APPL2: variants seen among roughly 807,000 people sequenced by gnomAD.
APPL2 encodes the protein DCC-interacting protein 13-beta.
In APPL2, 84 loss-of-function variants were observed where a neutral mutation model predicts 92.7. The observed-to-expected ratio is 0.91, with a 90% CI of 0.76 to 1.09. The LOEUF is 1.09. APPL2 is among the 50% of genes least tolerant of loss of function. APPL2 has a pLI of 0.00. For missense variants in APPL2, 736 were observed against 824.5 expected (o/e 0.89, Z 1.31); for synonymous variants, 291 against 291.0 (o/e 1.00, Z 0.00).
intron 17 of APPL2, among the ~76,000 whole-genome samples, chr12:105,179,232 C>T (rs540658710): frequency 8.5e-5 from 13 of 152,216 alleles, no homozygotes; most frequent in South Asian, 8.3e-4. Context: ...TGAGAACATG[C>T]GGTGTTTGGT....
At chr12:105,202,283 C>G (rs1290224092) in intron 9 of APPL2, among the ~76,000 whole-genome samples, 1 of 152,084 alleles carries the variant, frequency 6.6e-6, no homozygotes, top group Non-Finnish European at 1.5e-5. Context: ...ACGTTAATGC[C>G]CGGGTTGTGG....
At chr12:105,227,181 G>A (rs577017109) in intron 2 of APPL2, among the ~76,000 whole-genome samples, 1 of 151,630 alleles carries the variant, frequency 6.6e-6, no homozygotes, top group South Asian at 2.1e-4. Flanking sequence ...CAAAAATTTT[G>A]TGTAGATACA....
intron 17 of APPL2, among the ~76,000 whole-genome samples, chr12:105,186,685 T>TATATCATATATG (rs1566056553): frequency 2.7e-4 from 17 of 63,402 alleles, no homozygotes; most frequent in African/African-American, 8.4e-4. Context: ...ATATATCATA[T>TATATCATATATG]ATATATCATA....
intron 1 of APPL2, among the ~76,000 whole-genome samples, chr12:105,232,683 G>A (rs1404503012): frequency 6.8e-6 from 1 of 147,646 alleles, no homozygotes; most frequent in Non-Finnish European, 1.5e-5. Context: ...AGGATCGCTT[G>A]AGCCCAGGAG....
At position 105,197,928 on chromosome 12, in the gene APPL2, A is replaced by AGGT; in HGVS notation, c.886_888dup (p.Thr296dup). 1 of 1,614,116 alleles carries AGGT rather than the reference A, an allele frequency of 6.2e-7. No homozygotes were observed. The highest frequency in any genetic ancestry group is 8.5e-7 in the Non-Finnish European group (1 of 1,180,016). On this transcript the variant is annotated inframe_insertion, in exon 11 of 21. Transcript: ENST00000258530. ...TGGGTGAAGAAATAAAGCCTCTCCC[A>AGGT]GGTGGTGGTGACCAGCCCTGTTTTG...
At chr12:105,215,715 A>T (rs1176655799) in intron 4 of APPL2, among the ~76,000 whole-genome samples, 1 of 152,162 alleles carries the variant, frequency 6.6e-6, no homozygotes, top group Non-Finnish European at 1.5e-5. Flanking sequence ...ATTCTTTATC[A>T]TGATTTTTTG....
intron 17 of APPL2, among the ~76,000 whole-genome samples, chr12:105,181,863 A>G (rs1886146058): frequency 6.6e-6 from 1 of 151,822 alleles, no homozygotes; most frequent in Non-Finnish European, 1.5e-5. Flanking sequence ...TTTCTTCTTT[A>G]TTAGTCTGGC....
intron 4 of APPL2, 43 bp from the exon 5 acceptor site, chr12:105,211,360 T>C (rs888299488): frequency 7.3e-7 from 1 of 1,376,090 alleles, no homozygotes; most frequent in Non-Finnish European, 1.0e-6. Context: ...AAATACATTA[T>C]TATTATTGAC....
rs1566045148 is a variant in APPL2, at chr12:105,177,004, TG to T, written c.1683del (p.Ser562ValfsTer30). 1.2e-6 allele frequency: 2 copies of T among 1,614,032 alleles called. No homozygotes were observed. Among genetic ancestry groups the T allele is most frequent in the African/African-American group, 2.7e-5 (2 of 75,018 alleles). On this transcript the variant is annotated frameshift_variant, in exon 19 of 21. Transcript: ENST00000258530. LOFTEE classifies it high-confidence loss of function. ...TQVSRANFEL[T>X]SVTQFAAHQE... is the part of the protein sequence containing the mutation. ...TGATGAGCAGCAAATTGTGTGACAC[TG>T]GTAAGTTCAAACTGGGGGGTGGAAA...
intron 17 of APPL2, among the ~76,000 whole-genome samples, chr12:105,181,361 C>T (rs187358517): frequency 3.0e-4 from 46 of 152,284 alleles, no homozygotes; most frequent in African/African-American, 1.1e-3. Context: ...ATTCAGTTTG[C>T]TGGTATTTTA....
intron 9 of APPL2, among the ~76,000 whole-genome samples, chr12:105,199,933 C>T (rs1027615800): frequency 6.6e-6 from 1 of 152,040 alleles, no homozygotes; most frequent in African/African-American, 2.4e-5. Flanking sequence ...ATTCTCCTGC[C>T]TCAGCCTCTC....
intron 17 of APPL2, among the ~76,000 whole-genome samples, chr12:105,179,485 T>C (rs966680273): frequency 2.3e-4 from 35 of 152,216 alleles, no homozygotes; most frequent in African/African-American, 7.0e-4. Flanking sequence ...TTATAGTCCT[T>C]TGGGTATGTA....
intron 17 of APPL2, chr12:105,177,517 A>G: frequency 5.8e-6 from 3 of 512,920 alleles, no homozygotes; most frequent in Non-Finnish European, 3.5e-6. Context: ...GGATTCTGCA[A>G]CTTACCCAAA....
In APPL2 at chr12:105,229,893, C is replaced by T. The variant is rs572697143; in HGVS notation, c.55-670G>A. 7 of 384,584 alleles carry T rather than the reference C, an allele frequency of 1.8e-5. No individual in the cohort carries two copies. In the East Asian group the frequency reaches 4.9e-4, roughly 27 times the overall value. The allele number at this position is 384,584 out of a possible 1,614,324, so 23.8% of individuals were successfully genotyped here. Reference sequence around the variant, plus strand: ...TCCCGGGCTCAAGGGATTCTCTTGCCTCAGCCTCCTGAGTAGCTGGGATTA... The same window carrying T: ...TCCCGGGCTCAAGGGATTCTCTTGCTTCAGCCTCCTGAGTAGCTGGGATTA... On this transcript the variant is annotated intron_variant, in intron 1 of 20. Transcript: ENST00000258530.
intron 1 of APPL2, among the ~76,000 whole-genome samples, chr12:105,232,815 G>A (rs1422916588): frequency 6.7e-6 from 1 of 149,428 alleles, no homozygotes; most frequent in Non-Finnish European, 1.5e-5. Context: ...GGAAAAATAG[G>A]TTATAAACAA....
At chr12:105,186,667 T>TATATATGATATCGATATCATTATATC (rs1886709583) in intron 17 of APPL2, among the ~76,000 whole-genome samples, 7,200 of 27,824 alleles carry the variant, frequency 0.26, 245 homozygotes, top group Admixed American at 0.3. Flanking sequence ...ATATATATCA[T>TATATATGATATCGATATCATTATATC]ATATATGATA....
At chr12:105,203,443 G>A in intron 9 of APPL2, 1 of 450,574 alleles carries the variant, frequency 2.2e-6, no homozygotes, top group East Asian at 3.7e-5. Context: ...CCACAGCAAA[G>A]CTAAGCTGGG....
At chr12:105,178,349 T>C (rs920105818) in intron 17 of APPL2, among the ~76,000 whole-genome samples, 6 of 152,178 alleles carry the variant, frequency 3.9e-5, no homozygotes, top group African/African-American at 9.7e-5. Context: ...TCCAGATCTA[T>C]AGAGATGGCA....
chr12:105,177,358 G>A (rs373217394), intron 17 of APPL2, 96 bp from the exon 18 acceptor site: 61 of 1,303,956 alleles, frequency 4.7e-5, no homozygotes, highest in East Asian at 9.4e-5. Context: ...CAAATTCCCC[G>A]AAATAGAGAT....
Sources: gnomAD v4.1 joint callset for allele counts (sites outside exome capture counted in the v4.1 genomes callset) on GRCh38, gnomAD v4.1.1 for gene constraint, MANE v1.5 for transcripts, NCBI Gene and HGNC (gene_info 2026-07-23, HGNC 2026-07-21) for gene names.